AMZ1: variants seen among roughly 807,000 people sequenced by gnomAD.
AMZ1 encodes archaelysin family metallopeptidase 1, also known as archaemetzincin-1.
In AMZ1, 39 loss-of-function variants were observed where a neutral mutation model predicts 29.9. The observed-to-expected ratio is 1.30, with a 90% CI of 1.01 to 1.70. AMZ1 has a LOEUF of 1.70. Ranked by LOEUF, AMZ1 falls within the 40% of genes most tolerant of loss-of-function variation. The pLI is 0.00. For synonymous variants in AMZ1, 458 were observed against 304.0 expected (o/e 1.51, Z -5.27); for missense variants, 1,041 against 680.6 (o/e 1.53, Z -5.89).
chr7:2,687,521 C>G (rs952705924), upstream of AMZ1, among the ~76,000 whole-genome samples: 1 of 152,230 alleles, frequency 6.6e-6, no homozygotes, highest in Non-Finnish European at 1.5e-5. Context: ...GGCCTCTGGG[C>G]TCTGTCTGGA....
At chr7:2,691,376 G>A (rs953792676) in intron 1 of AMZ1, among the ~76,000 whole-genome samples, 1 of 148,420 alleles carries the variant, frequency 6.7e-6, no homozygotes, top group Admixed American at 6.6e-5. Flanking sequence ...CCCTCTCTGA[G>A]CCTCAGTCTC....
At position 2,712,518 on chromosome 7, in the gene AMZ1, G is replaced by A. The variant is rs798565; in HGVS notation, c.1137G>A (p.Ser379=). ...ATGCCGGGAGTCACACCTTCGCCTC[G>A]GGGCCAGAGGAAGGGCTGAGCTACC... ...TPDAGSHTFA[S]GPEEGLSYLA... The change falls in exon 7 of 7, where the codon TCG becomes TCA. Residue 379 remains serine (S), a synonymous_variant. Coordinates refer to ENST00000683327, the MANE Select transcript of AMZ1 (RefSeq NM_001384743.1). 0.27 allele frequency: 441,288 copies of A among 1,606,338 alleles called. 63,525 individuals are homozygous for A. Among genetic ancestry groups the A allele is most frequent in the Non-Finnish European group, 0.29 (346,394 of 1,176,562 alleles).
intron 4 of AMZ1, among the ~76,000 whole-genome samples, chr7:2,745,662 C>A (rs966158262): frequency 6.6e-6 from 1 of 152,186 alleles, no homozygotes; most frequent in East Asian, 1.9e-4. Context: ...CAAATTCACA[C>A]ATAACAATAT....
chr7:2,738,212 C>T (rs1263786366), intron 4 of AMZ1, among the ~76,000 whole-genome samples: 1 of 151,462 alleles, frequency 6.6e-6, no homozygotes, highest in Non-Finnish European at 1.5e-5. Context: ...GTCAGGAGTT[C>T]GAGACAAGCC....
At position 2,700,483 on chromosome 7, in the gene AMZ1, G is replaced by C. The variant is rs1787983832; in HGVS notation, c.32G>C (p.Ser11Thr). 1 of 1,603,406 alleles carries C rather than the reference G, an allele frequency of 6.2e-7. No homozygotes were observed. Among genetic ancestry groups the C allele is most frequent in the Non-Finnish European group, 8.5e-7 (1 of 1,179,868 alleles). The change falls in exon 2 of 7, where the codon AGC (serine) becomes ACC (threonine). Residue 11 changes from serine to threonine, a missense_variant. By Grantham distance (58) the Ser-to-Thr change is moderately conservative. Transcript: ENST00000683327. ...CAGTGTAGACCCGCACAGGAGTTCA[G>C]CTTCGGGCCCCGGGCCTTGAAGGAC... MLQCRPAQEFSFGPRALKDAL... is the reference protein window; with the variant it reads MLQCRPAQEFTFGPRALKDAL...
rs1788846407 is a variant in AMZ1 at position 2,712,439 on chromosome 7, G to A, written c.1058G>A (p.Cys353Tyr). 1.2e-6 allele frequency: 2 copies of A among 1,611,866 alleles called. No individual in the cohort carries two copies. Among genetic ancestry groups the A allele is most frequent in the Non-Finnish European group, 1.7e-6 (2 of 1,179,724 alleles). Residue 353 changes from cysteine (C) to tyrosine (Y), a missense_variant, in exon 7 of 7, where the codon TGC becomes TAC. Physicochemically the swap from Cys to Tyr is radical, Grantham distance 194. Coordinates refer to ENST00000683327, the MANE Select transcript of AMZ1 (RefSeq NM_001384743.1). Reference protein sequence around the residue: ...TPPASADSGMCCESDSEPGTS... With the variant: ...TPPASADSGMYCESDSEPGTS... Reference sequence around the variant, plus strand: ...CCTGCCAGCGCCGACTCGGGCATGTGCTGTGAGAGTGACTCGGAGCCCGGC... The same window carrying A: ...CCTGCCAGCGCCGACTCGGGCATGTACTGTGAGAGTGACTCGGAGCCCGGC...
chr7:2,708,876 A>G (rs1367393157), intron 4 of AMZ1, among the ~76,000 whole-genome samples, 160 bp downstream of exon 4: 1 of 152,190 alleles, frequency 6.6e-6, no homozygotes, highest in African/African-American at 2.4e-5. Flanking sequence ...GCTCCTCCTG[A>G]GGAATGGCAT....
chr7:2,701,241 A>C (rs962038050), intron 2 of AMZ1, among the ~76,000 whole-genome samples: 1 of 142,482 alleles, frequency 7.0e-6, no homozygotes, highest in African/African-American at 3.1e-5. Flanking sequence ...AAAAAAAAAG[A>C]CCACTTTCTC....
chr7:2,700,274 AG>A lies in AMZ1; in HGVS notation c.-176del. ...GAAGCGCCCATGCCTGAGAGCGTCCAGGACCAGGCAGAGCTGGGCCTTAAGG... is the reference window on the plus strand; with the variant it reads ...GAAGCGCCCATGCCTGAGAGCGTCCAGACCAGGCAGAGCTGGGCCTTAAGG... On this transcript the variant is annotated 5_prime_UTR_variant, in exon 2 of 7. Coordinates refer to ENST00000683327, the MANE Select transcript of AMZ1 (RefSeq NM_001384743.1). The A allele has an allele frequency of 1.4e-6, 1 of 705,816 alleles. No homozygotes were observed. The highest frequency in any genetic ancestry group is 2.3e-6 in the Non-Finnish European group (1 of 434,290). The allele number at this position is 705,816 out of a possible 1,614,324, so 43.7% of individuals were successfully genotyped here.
chr7:2,704,786 C>T (rs535183110), intron 3 of AMZ1, among the ~76,000 whole-genome samples: 17 of 151,870 alleles, frequency 1.1e-4, no homozygotes, highest in African/African-American at 3.9e-4. Flanking sequence ...TTAGTAGAGA[C>T]GGGGTTTCAC....
chr7:2,708,670 C>A lies in AMZ1; in HGVS notation c.555C>A (p.Pro185=). The A allele has an allele frequency of 9.9e-6, 16 of 1,613,222 alleles. No homozygotes were observed. The highest frequency in any genetic ancestry group is 1.4e-5 in the Non-Finnish European group (16 of 1,180,002). ...GCCTCACACTGTCTGACCTGTACCC[C>A]CATGAGGCCTGGAGCTTCACCTTCA... is the stretch of plus-strand genomic sequence containing the variant. ...VLGLTLSDLY[P]HEAWSFTFSK... Residue 185 remains proline (P), a synonymous_variant, in exon 4 of 7, where the codon CCC becomes CCA. Transcript: ENST00000683327.
Position 2,719,216 on chromosome 7 carries a change from A to AG in AMZ1, c.*6344dup, listed in dbSNP as rs951753883. On this transcript the variant is annotated 3_prime_UTR_variant, in exon 7 of 7. Transcript: ENST00000683327. ...AGAACGGCAGGTGGCCCCTGTCGGAAGGGGGGTGTCTCTTTATTCCTGCCA... is the reference window on the plus strand; with the variant it reads ...AGAACGGCAGGTGGCCCCTGTCGGAAGGGGGGGTGTCTCTTTATTCCTGCCA... Among the ~76,000 whole-genome samples the AG allele has an allele frequency of 4.6e-5, 7 of 152,130 alleles. No individual in the cohort carries two copies. Among genetic ancestry groups the AG allele is most frequent in the South Asian group, 2.1e-4 (1 of 4,830 alleles).
intron 3 of AMZ1, among the ~76,000 whole-genome samples, chr7:2,703,994 T>G (rs981340352): frequency 3.3e-5 from 5 of 152,170 alleles, no homozygotes; most frequent in Non-Finnish European, 7.4e-5. Flanking sequence ...GTTCACACCA[T>G]TCTCCTGCCT....
At chr7:2,710,559 T>C (rs7786163) in intron 6 of AMZ1, among the ~76,000 whole-genome samples, 102,124 of 152,062 alleles carry the variant, frequency 0.67, 35,541 homozygotes, top group African/African-American at 0.87. Context: ...CTGCAGGGCC[T>C]AGCTGGGCCC....
rs1044260924 is a variant in AMZ1 at position 2,717,010 on chromosome 7, G to A, written c.*4132G>A. Among the ~76,000 whole-genome samples the A allele has an allele frequency of 5.9e-5, 9 of 152,222 alleles. No individual in the cohort carries two copies. The highest frequency in any genetic ancestry group is 7.3e-5 in the Non-Finnish European group (5 of 68,044). On this transcript the variant is annotated 3_prime_UTR_variant, in exon 7 of 7. Coordinates refer to ENST00000683327, the MANE Select transcript of AMZ1 (RefSeq NM_001384743.1). ...CTGGAGCGGTCTGAGCAGGAAGAGA[G>A]TAAGAAGGCGCACGGACGCGGGAGG... is the stretch of plus-strand genomic sequence containing the variant.
upstream of AMZ1, among the ~76,000 whole-genome samples, chr7:2,764,219 C>T (rs798484): frequency 4.6e-3 from 691 of 150,918 alleles, 4 homozygotes; most frequent in Non-Finnish European, 7.6e-3. Context: ...ACCACGGGCA[C>T]GTGCCACCTA....
chr7:2,729,990 T>G (rs534277952), intron 4 of AMZ1: 1 of 152,288 alleles, frequency 6.6e-6, no homozygotes, highest in Non-Finnish European at 1.5e-5. Flanking sequence ...GCAAGCACAG[T>G]CATAGAAGCG....
upstream of AMZ1, chr7:2,762,038 G>A: frequency 6.6e-6 from 1 of 152,500 alleles, no homozygotes; most frequent in Non-Finnish European, 1.5e-5. Context: ...GAGAACTGCG[G>A]CTCCATCCGC....
chr7:2,763,694 TG>T (rs1296435651), upstream of AMZ1, among the ~76,000 whole-genome samples: 1 of 152,230 alleles, frequency 6.6e-6, no homozygotes, highest in Non-Finnish European at 1.5e-5. Context: ...TGAGAAAGCC[TG>T]GGCTTGTCCA....
Sources: gnomAD v4.1 joint callset for allele counts (sites outside exome capture counted in the v4.1 genomes callset) on GRCh38, gnomAD v4.1.1 for gene constraint, MANE v1.5 for transcripts, NCBI Gene and HGNC (gene_info 2026-07-23, HGNC 2026-07-21) for gene names.